SLC6A4: variants seen among roughly 807,000 people sequenced by gnomAD.
SLC6A4 encodes sodium-dependent serotonin transporter.
SLC6A4 carries 22 observed loss-of-function variants against 73.4 expected under a neutral mutation model. The observed-to-expected ratio is 0.30, with a 90% CI of 0.21 to 0.43. The LOEUF (loss-of-function observed/expected upper bound fraction) is 0.43. Among genes scored for constraint, SLC6A4 ranks in the 20% least tolerant of loss-of-function variants. The pLI, the probability that SLC6A4 is intolerant of heterozygous loss-of-function variation, is 1.00. For missense variants in SLC6A4, 593 were observed against 808.5 expected (o/e 0.73, Z 3.23); for synonymous variants, 270 against 315.5 (o/e 0.86, Z 1.53).
In SLC6A4 at chr17:30,215,019, T is replaced by TCTTTCTTTCTTC. The variant is rs1906522021; in HGVS notation, c.1076+591_1076+592insGAAGAAAGAAAG. ...TCCTTCCTTTCTTTCTTTCTTTCTT[T>TCTTTCTTTCTTC]CTTTTTTCTTTCTTTCTTTCTTTCT... is the stretch of plus-strand genomic sequence containing the variant. On this transcript the variant is annotated intron_variant, in intron 8 of 14. Transcript: ENST00000650711. Among the ~76,000 whole-genome samples, 13 of 134,798 alleles carry TCTTTCTTTCTTC rather than the reference T, an allele frequency of 9.6e-5. No homozygotes were observed. In the South Asian group the frequency reaches 2.2e-3, roughly 23 times the overall value. The allele number at this position is 134,798 out of a possible 152,430, so 88.4% of individuals were successfully genotyped here. A position where few individuals can be genotyped will look rare whatever the true frequency, so the allele number is the denominator to read the frequency against.
rs754312993 is a variant in SLC6A4 at position 30,209,284 on chromosome 17, G to C, written c.1450-42C>G. ...AGCCTGGGTGAGGGCCCTCCAAGGA[G>C]CCACCCCTCCCAACTACAGAGACCT... On this transcript the variant is annotated intron_variant, in intron 11 of 14. Coordinates refer to ENST00000650711, the MANE Select transcript of SLC6A4 (RefSeq NM_001045.6). 3.2e-6 allele frequency: 4 copies of C among 1,269,640 alleles called. No homozygotes were observed. In the South Asian group the frequency reaches 3.6e-5, roughly 11 times the overall value. 78.6% of individuals were successfully genotyped at this position (1,269,640 alleles called of 1,614,324 possible).
At chr17:30,204,165 G>A (rs957714675) in intron 13 of SLC6A4, among the ~76,000 whole-genome samples, 3 of 152,182 alleles carry the variant, frequency 2.0e-5, no homozygotes, top group Non-Finnish European at 4.4e-5. Context: ...TTTCAATTTG[G>A]TTTCCAGATT....
Position 30,233,210 on chromosome 17 carries a change from G to A in SLC6A4, c.-221+2403C>T, listed in dbSNP as rs543445674. On this transcript the variant is annotated intron_variant, in intron 1 of 14. Transcript: ENST00000650711. ...ACCCACGTATGTTCCATGGAACACC[G>A]CAAACATCAGGGAGTGGAGGTGGCT... 1.2e-4 allele frequency among the ~76,000 whole-genome samples: 18 copies of A among 152,284 alleles called. No individual in the cohort carries two copies. The South Asian group carries it at 1.2e-3, about 11-fold the overall frequency.
At position 30,199,613 on chromosome 17, in the gene SLC6A4, T is replaced by C. The variant is rs1362147574; in HGVS notation, c.1819-1083A>G. On this transcript the variant is annotated intron_variant, in intron 14 of 14. Transcript: ENST00000650711. The stretch of plus-strand genomic sequence containing the variant: ...CAGTCCTACAGTTAATGAAATGCAC[T>C]ATAGGGCAAAATGCACAAAATTGCA... Among the ~76,000 whole-genome samples, 10 of 152,286 alleles carry C rather than the reference T, an allele frequency of 6.6e-5. No individual in the cohort carries two copies. In the East Asian group the frequency reaches 1.9e-3, roughly 29 times the overall value.
intron 1 of SLC6A4, among the ~76,000 whole-genome samples, chr17:30,224,843 G>A (rs983508481): frequency 6.6e-6 from 1 of 152,138 alleles, no homozygotes; most frequent in East Asian, 1.9e-4. Context: ...AGGGCAACGT[G>A]TGTTCTCAGG....
chr17:30,226,475 G>A (rs952536331), intron 1 of SLC6A4, among the ~76,000 whole-genome samples: 9 of 152,206 alleles, frequency 5.9e-5, no homozygotes, highest in Non-Finnish European at 1.2e-4. Flanking sequence ...CAAGGCGGGC[G>A]GATCACCTGA....
At position 30,194,487 on chromosome 17, in the gene SLC6A4, C is replaced by G. The variant is rs1363351329; in HGVS notation, c.*3969G>C. 1 of 152,086 alleles carries G rather than the reference C, an allele frequency of 6.6e-6. No individual in the cohort carries two copies. Among genetic ancestry groups the G allele is most frequent in the Non-Finnish European group, 1.5e-5 (1 of 67,992 alleles). 9.4% of individuals were successfully genotyped at this position (152,086 alleles called of 1,614,324 possible). A position where few individuals can be genotyped will look rare whatever the true frequency, so the allele number is the denominator to read the frequency against. On this transcript the variant is annotated 3_prime_UTR_variant, in exon 15 of 15. Coordinates refer to ENST00000650711, the MANE Select transcript of SLC6A4 (RefSeq NM_001045.6). ...TAAAATTAATTTTAGATATGTCCAA[C>G]ACACAATCAAAAGTATTCTGAAAAG... is the stretch of plus-strand genomic sequence containing the variant.
In SLC6A4 at chr17:30,195,041, G is replaced by A. The variant is rs1392326551; in HGVS notation, c.*3415C>T. The A allele has an allele frequency of 6.6e-6, 1 of 152,190 alleles. No homozygotes were observed. The highest frequency in any genetic ancestry group is 1.5e-5 in the Non-Finnish European group (1 of 68,036). 9.4% of individuals were successfully genotyped at this position (152,190 alleles called of 1,614,324 possible). On this transcript the variant is annotated 3_prime_UTR_variant, in exon 15 of 15. Transcript: ENST00000650711. ...CATAGATTCTGTGAGGTGTTGGTAAGAGAAATACCACCTGACATTCCAACT... is the reference window on the plus strand; with the variant it reads ...CATAGATTCTGTGAGGTGTTGGTAAAAGAAATACCACCTGACATTCCAACT...
rs201481838 is a variant in SLC6A4 at position 30,203,204 on chromosome 17, G to A, written c.1786C>T (p.Arg596Trp). The A allele has an allele frequency of 6.2e-6, 10 of 1,613,848 alleles. No homozygotes were observed. The highest frequency in any genetic ancestry group is 3.3e-5 in the South Asian group (3 of 91,080). The change falls in exon 14 of 15, where the codon CGG becomes TGG. Residue 596 changes from arginine to tryptophan, a missense_variant. Arg to Trp is a moderately radical substitution (Grantham distance 101). Transcript: ENST00000650711. ...FICIPTYIAY[R>W]LIITPGTFKE... Reference sequence around the variant, plus strand: ...AATGTCCCTGGAGTGATGATCAACCGATAAGCTATATATGTGGGGATGCAA... The same window carrying A: ...AATGTCCCTGGAGTGATGATCAACCAATAAGCTATATATGTGGGGATGCAA...
rs10438799 is a variant in SLC6A4 at position 30,211,521 on chromosome 17, C to G, written c.1205-97G>C. 1.3e-6 allele frequency: 1 copy of G among 754,638 alleles called. No individual in the cohort carries two copies. Among genetic ancestry groups the G allele is most frequent in the South Asian group, 1.5e-5 (1 of 65,814 alleles). The allele number at this position is 754,638 out of a possible 1,614,324, so 46.7% of individuals were successfully genotyped here. A position where few individuals can be genotyped will look rare whatever the true frequency, so the allele number is the denominator to read the frequency against. On this transcript the variant is annotated intron_variant, in intron 9 of 14. Coordinates refer to ENST00000650711, the MANE Select transcript of SLC6A4 (RefSeq NM_001045.6). This position sits in a 1 kb window ranked among gnomAD's most constrained non-coding sequence, Gnocchi z 4.0. The stretch of plus-strand genomic sequence containing the variant: ...CAGCCACAACAACAGTTACAATTCT[C>G]ATCACAAGACCTTATGTGTGAATCA...
rs56140935 is a variant in SLC6A4, at chr17:30,196,689, C to G, written c.*1767G>C. 5.9e-3 allele frequency: 896 copies of G among 152,398 alleles called. 5 individuals carry two copies. The highest frequency in any genetic ancestry group is 9.6e-3 in the Non-Finnish European group (654 of 68,036). The allele number at this position is 152,398 out of a possible 1,614,324, so 9.4% of individuals were successfully genotyped here. ...CATGCTAGACAGTAAAGAGAATGGG[C>G]ATGAGGTGGCAGGAAGAAGGAAAGA... On this transcript the variant is annotated 3_prime_UTR_variant, in exon 15 of 15. Transcript: ENST00000650711.
At position 30,218,483 on chromosome 17, in the gene SLC6A4, G is replaced by C. The variant is rs1182975527; in HGVS notation, c.479-146C>G. 2.1e-5 allele frequency: 14 copies of C among 668,660 alleles called. No individual in the cohort carries two copies. In the Admixed American group the frequency reaches 3.9e-4, roughly 18 times the overall value. The allele number at this position is 668,660 out of a possible 1,614,324, so 41.4% of individuals were successfully genotyped here. On this transcript the variant is annotated intron_variant, in intron 4 of 14. Coordinates refer to ENST00000650711, the MANE Select transcript of SLC6A4 (RefSeq NM_001045.6). Reference sequence around the variant, plus strand: ...CCTCCATTCCATTCCAAGGACTCCAGGCCACCGTGGGAAAAGTGGCCCTGC... The same window carrying C: ...CCTCCATTCCATTCCAAGGACTCCACGCCACCGTGGGAAAAGTGGCCCTGC...
intron 1 of SLC6A4, among the ~76,000 whole-genome samples, chr17:30,227,351 C>G (rs1371169207): frequency 6.6e-6 from 1 of 151,866 alleles, no homozygotes; most frequent in Non-Finnish European, 1.5e-5. Flanking sequence ...AGAAAATCTG[C>G]TTGTTTTTTT....
rs114661973 is a variant in SLC6A4 at position 30,233,520 on chromosome 17, G to A, written c.-221+2093C>T. On this transcript the variant is annotated intron_variant, in intron 1 of 14. Transcript: ENST00000650711. ...TCTGGGTAGAGAGTACCGGCCCTCC[G>A]GCATTTTTGCACCATCATTTCAACT... 3.8e-3 allele frequency among the ~76,000 whole-genome samples: 584 copies of A among 152,250 alleles called. 2 individuals carry two copies. Among genetic ancestry groups the A allele is most frequent in the African/African-American group, 0.013 (551 of 41,540 alleles).
Position 30,209,189 on chromosome 17 carries a change from C to A in SLC6A4, c.1503G>T (p.Val501=). The part of the protein sequence containing the change: ...LLEEYATGPA[V]LTVALIEAVA... ...CTGCTTCGATCAGCGCGACAGTGAG[C>A]ACTGCGGGCCCCGTGGCATACTCCT... is the stretch of plus-strand genomic sequence containing the variant. Residue 501 remains valine (V), a synonymous_variant, in exon 12 of 15, where the codon GTG becomes GTT. Coordinates refer to ENST00000650711, the MANE Select transcript of SLC6A4 (RefSeq NM_001045.6). 1 of 1,613,940 alleles carries A rather than the reference C, an allele frequency of 6.2e-7. No homozygotes were observed. The highest frequency in any genetic ancestry group is 8.5e-7 in the Non-Finnish European group (1 of 1,179,890).
At chr17:30,201,034 C>T (rs768198058) in intron 14 of SLC6A4, among the ~76,000 whole-genome samples, 3 of 152,132 alleles carry the variant, frequency 2.0e-5, no homozygotes, top group Admixed American at 2.0e-4. Flanking sequence ...CCATCCACCT[C>T]GGCGTGCCAA....
chr17:30,207,946 A>G (rs904208575), intron 12 of SLC6A4, 114 bp from the exon 13 acceptor site: 1 of 726,046 alleles, frequency 1.4e-6, no homozygotes, highest in African/African-American at 1.8e-5. Context: ...GGGAATGACA[A>G]GGGGAAATGA....
intron 1 of SLC6A4, among the ~76,000 whole-genome samples, chr17:30,226,247 G>C (rs908178596): frequency 6.6e-6 from 1 of 152,234 alleles, no homozygotes; most frequent in Non-Finnish European, 1.5e-5. Context: ...CCTCTATTCA[G>C]AGGGAGGCTG....
At chr17:30,220,294 G>C (rs1906705369) in intron 3 of SLC6A4, among the ~76,000 whole-genome samples, 2 of 152,194 alleles carry the variant, frequency 1.3e-5, no homozygotes, top group Non-Finnish European at 2.9e-5. Context: ...TGACGCATCT[G>C]ACACCCACTT....
Sources: allele counts gnomAD v4.1 joint callset (sites outside exome capture counted in the v4.1 genomes callset), GRCh38; gene constraint gnomAD v4.1.1; non-coding constraint Gnocchi (gnomAD v3.1); transcripts MANE v1.5; gene names NCBI Gene and HGNC (gene_info 2026-07-23, HGNC 2026-07-21).